PUS1: variants seen among roughly 807,000 people sequenced by gnomAD.
PUS1 encodes the protein pseudouridine synthase 1.
PUS1 carries 25 observed loss-of-function variants against 38.5 expected under a neutral mutation model. That is an observed-to-expected ratio of 0.65 (90% CI 0.47 to 0.91). The LOEUF is 0.91. Ranked by LOEUF, PUS1 falls within the 40% of genes least tolerant of loss-of-function variation. PUS1 has a pLI of 0.00. For synonymous variants in PUS1, 282 were observed against 260.4 expected, an observed-to-expected ratio of 1.08 and a Z score of -0.80; for missense variants, 597 against 612.3, an observed-to-expected ratio of 0.97 and a Z score of 0.26.
intron 5 of PUS1, 45 bp from the exon 6 acceptor site, chr12:131,943,494 G>T: frequency 6.4e-7 from 1 of 1,555,908 alleles, no homozygotes; most frequent in South Asian, 1.1e-5. Flanking sequence ...AGGAGCAGTG[G>T]AGAGAGTGCT....
At chr12:131,936,626 C>T (rs768774921) in intron 3 of PUS1, among the ~76,000 whole-genome samples, 26 of 151,386 alleles carry the variant, frequency 1.7e-4, no homozygotes, top group Non-Finnish European at 2.4e-4. Context: ...TGGTGGCTCA[C>T]GCCTGTAATC....
In PUS1 at chr12:131,930,385, C is replaced by T. The variant is rs188034384; in HGVS notation, c.303+250C>T. Among the ~76,000 whole-genome samples the T allele has an allele frequency of 1.7e-3, 253 of 152,334 alleles. 2 individuals carry two copies. Among genetic ancestry groups the T allele is most frequent in the Middle Eastern group, 6.8e-3 (2 of 294 alleles). On this transcript the variant is annotated intron_variant, in intron 2 of 5. Transcript: ENST00000376649. Reference sequence around the variant, plus strand: ...GGGGCGGGGTTCACTTGCTGGGTGCCTGAGTCCTCATCTTTAGGATGGGAG... The same window carrying T: ...GGGGCGGGGTTCACTTGCTGGGTGCTTGAGTCCTCATCTTTAGGATGGGAG...
chr12:131,941,622 A>G lies in PUS1; in HGVS notation c.875A>G (p.His292Arg), dbSNP rs753392891. 4.3e-6 allele frequency: 7 copies of G among 1,614,108 alleles called. No individual in the cohort carries two copies. In the South Asian group the frequency reaches 6.6e-5, roughly 15 times the overall value. Residue 292 changes from histidine (H) to arginine (R), a missense_variant, in exon 5 of 6, where the codon CAT becomes CGT. By Grantham distance (29) the His-to-Arg change is conservative. Transcript: ENST00000376649. The surrounding 1 kb of genome is among the most constrained non-coding windows in gnomAD (Gnocchi z 4.4). ...GTGAAGGGCCAGAGCTTCATGATGC[A>G]TCAGATCCGGAAGATGGTCGGCCTG... ...IRVKGQSFMM[H>R]QIRKMVGLVV...
Position 131,939,021 on chromosome 12 carries a change from G to A in PUS1, c.442-152G>A, listed in dbSNP as rs560092833. On this transcript the variant is annotated intron_variant, in intron 3 of 5. Coordinates refer to ENST00000376649, the MANE Select transcript of PUS1 (RefSeq NM_025215.6). ...CTCCCAAAGTACTGGGATTACAGGC[G>A]TGAGCCACTATGCCCGGCCCTCCAG... 1.3e-4 allele frequency: 87 copies of A among 686,630 alleles called. No homozygotes were observed. In the East Asian group the frequency reaches 1.6e-3, roughly 13 times the overall value. 42.5% of individuals were successfully genotyped at this position (686,630 alleles called of 1,614,324 possible).
At chr12:131,932,394 T>TA in intron 3 of PUS1, 82 bp downstream of exon 3, 11 of 1,496,636 alleles carry the variant, frequency 7.3e-6, no homozygotes, top group Non-Finnish European at 1.0e-5. Flanking sequence ...TCTGGCTTGT[T>TA]ATGCTGTTTC....
chr12:131,941,244 C>T lies in PUS1; in HGVS notation c.545-48C>T, dbSNP rs578033097. 37 of 1,528,260 alleles carry T rather than the reference C, an allele frequency of 2.4e-5. No homozygotes were observed. In the African/African-American group the frequency reaches 4.5e-4, roughly 19 times the overall value. 94.7% of individuals were successfully genotyped at this position (1,528,260 alleles called of 1,614,324 possible). On this transcript the variant is annotated intron_variant, in intron 4 of 5. Transcript: ENST00000376649. This position sits in a 1 kb window ranked among gnomAD's most constrained non-coding sequence, Gnocchi z 4.4. ...GTGCTCAGGCTGCTCCCTGGTCATC[C>T]AGGCACTTCTCACCTGCCTTTCTCC...
Position 131,929,568 on chromosome 12 carries a change from G to A in PUS1, c.-155G>A. ...AGAGGTCAGGGGTCAGCTGGAGAGG[G>A]GCTGGGGCGCCGGTTTCCCGGAGGT... On this transcript the variant is annotated 5_prime_UTR_variant, in exon 1 of 6. Coordinates refer to ENST00000376649, the MANE Select transcript of PUS1 (RefSeq NM_025215.6). The A allele has an allele frequency of 1.6e-6, 1 of 613,474 alleles. No homozygotes were observed. The highest frequency in any genetic ancestry group is 2.2e-5 in the South Asian group (1 of 44,800). 38.0% of individuals were successfully genotyped at this position (613,474 alleles called of 1,614,324 possible).
At chr12:131,942,914 G>T (rs1474751194) in intron 5 of PUS1, among the ~76,000 whole-genome samples, 1 of 152,246 alleles carries the variant, frequency 6.6e-6, no homozygotes, top group East Asian at 1.9e-4. Context: ...CCTATAGATG[G>T]GGCGATGAGA....
In PUS1 at chr12:131,941,597, G is replaced by GCTTCA; in HGVS notation, c.850_851insCTTCA (p.Val284AlafsTer3). On this transcript the variant is annotated frameshift_variant, in exon 5 of 6. Coordinates refer to ENST00000376649, the MANE Select transcript of PUS1 (RefSeq NM_025215.6). LOFTEE classifies it high-confidence loss of function. The surrounding 1 kb of genome is among the most constrained non-coding windows in gnomAD (Gnocchi z 4.4). ...GGGCCTGGAGTTTGCGGTGATCAGGGTGAAGGGCCAGAGCTTCATGATGCA... is the reference window on the plus strand; with the variant it reads ...GGGCCTGGAGTTTGCGGTGATCAGGGCTTCATGAAGGGCCAGAGCTTCATGATGCA... 2 of 1,614,234 alleles carry GCTTCA rather than the reference G, an allele frequency of 1.2e-6. No individual in the cohort carries two copies. The highest frequency in any genetic ancestry group is 2.7e-5 in the African/African-American group (2 of 75,060).
Position 131,941,795 on chromosome 12 carries a change from G to A in PUS1, c.1048G>A (p.Asp350Asn), listed in dbSNP as rs374773639. Residue 350 changes from aspartate to asparagine, a missense_variant, in exon 5 of 6, where the codon GAT (aspartate) becomes AAT (asparagine). By Grantham distance (23) the Asp-to-Asn change is conservative. Transcript: ENST00000376649. This position sits in a 1 kb window ranked among gnomAD's most constrained non-coding sequence, Gnocchi z 4.4. ...GAAGTACAACCAGCGCTTTGGCAAC[G>A]ATGGGCTGCATGAGCCGCTGGACTG... is the stretch of plus-strand genomic sequence containing the variant. ...FEKYNQRFGNDGLHEPLDWAQ... is the reference protein window; with the variant it reads ...FEKYNQRFGNNGLHEPLDWAQ... 6.8e-6 allele frequency: 11 copies of A among 1,613,262 alleles called. No individual in the cohort carries two copies. The highest frequency in any genetic ancestry group is 1.3e-5 in the African/African-American group (1 of 74,932).
intron 4 of PUS1, among the ~76,000 whole-genome samples, chr12:131,940,609 G>T (rs542296342): frequency 6.6e-6 from 1 of 152,156 alleles, no homozygotes; most frequent in South Asian, 2.1e-4. Flanking sequence ...ATGGAGTCTT[G>T]TTCTGTTGCC....
intron 4 of PUS1, among the ~76,000 whole-genome samples, chr12:131,939,767 C>G (rs1190334707): frequency 6.6e-6 from 1 of 152,022 alleles, no homozygotes; most frequent in Non-Finnish European, 1.5e-5. Context: ...CAGTCCTCAG[C>G]CTCCTGAGTA....
At chr12:131,934,581 C>T (rs1385327317) in intron 3 of PUS1, 2 of 152,146 alleles carry the variant, frequency 1.3e-5, no homozygotes, top group East Asian at 3.8e-4. Context: ...ATAATTATAT[C>T]TATATCCTAT....
rs1890532082 is a variant in PUS1 at position 131,930,124 on chromosome 12, C to T, written c.292C>T (p.His98Tyr). 2 of 1,425,454 alleles carry T rather than the reference C, an allele frequency of 1.4e-6. No individual in the cohort carries two copies. Among genetic ancestry groups the T allele is most frequent in the Non-Finnish European group, 9.2e-7 (1 of 1,090,120 alleles). 88.3% of individuals were successfully genotyped at this position (1,425,454 alleles called of 1,614,324 possible). A position where few individuals can be genotyped will look rare whatever the true frequency, so the allele number is the denominator to read the frequency against. ...LLMAYSGKGY[H>Y]GMQRNVGSSQ... ...CATGGCCTATTCGGGCAAGGGCTAC[C>T]ACGGCATGCAGGTGTGGCCGCCCGG... Residue 98 changes from histidine to tyrosine, a missense_variant, in exon 2 of 6, where the codon CAC becomes TAC. Physicochemically the swap from His to Tyr is moderately conservative, Grantham distance 83 (BLOSUM62 2). Transcript: ENST00000376649.
chr12:131,939,303 C>T (rs1311281091), intron 4 of PUS1, 28 bp downstream of exon 4: 1 of 1,399,676 alleles, frequency 7.1e-7, no homozygotes, highest in Admixed American at 2.0e-5. Flanking sequence ...GGCGGCCACA[C>T]ACCTGGTTGT....
rs770364021 is a variant in PUS1 at position 131,941,308 on chromosome 12, G to T, written c.561G>T (p.Thr187=). Residue 187 remains threonine, a synonymous_variant, in exon 5 of 6, where the codon ACG becomes ACT. Transcript: ENST00000376649. The surrounding 1 kb of genome is among the most constrained non-coding windows in gnomAD (Gnocchi z 4.4). ...HIRILGLKRV[T]GGFNSKNRCD... is the part of the protein sequence containing the mutation. Reference sequence around the variant, plus strand: ...CCCCCCTAGGACTGAAGCGGGTCACGGGCGGGTTTAACTCCAAGAACAGAT... The same window carrying T: ...CCCCCCTAGGACTGAAGCGGGTCACTGGCGGGTTTAACTCCAAGAACAGAT... The T allele has an allele frequency of 6.2e-7, 1 of 1,614,134 alleles. No individual in the cohort carries two copies. The highest frequency in any genetic ancestry group is 2.2e-5 in the East Asian group (1 of 44,872).
In PUS1 at chr12:131,943,724, C is replaced by T. The variant is rs1891187024; in HGVS notation, c.*138C>T. 5 of 734,418 alleles carry T rather than the reference C, an allele frequency of 6.8e-6. No homozygotes were observed. 45.5% of individuals were successfully genotyped at this position (734,418 alleles called of 1,614,324 possible). On this transcript the variant is annotated 3_prime_UTR_variant, in exon 6 of 6. Coordinates refer to ENST00000376649, the MANE Select transcript of PUS1 (RefSeq NM_025215.6). ...CCATGCCGGCGTTGTAACCTCAGGA[C>T]CTTCCCTTGTAGGAACAGCCTTTCT...
Position 131,941,651 on chromosome 12 carries a change from G to A in PUS1, c.904G>A (p.Val302Met), listed in dbSNP as rs148057665. 82 of 1,614,202 alleles carry A rather than the reference G, an allele frequency of 5.1e-5. No homozygotes were observed. The East Asian group carries it at 1.8e-3, about 35-fold the overall frequency. ...HQIRKMVGLV[V>M]AIVKGYAPES... ...GATCCGGAAGATGGTCGGCCTGGTG[G>A]TGGCCATTGTGAAGGGTTATGCCCC... Residue 302 changes from valine to methionine, a missense_variant, in exon 5 of 6, where the codon GTG becomes ATG. By Grantham distance (21) the Val-to-Met change is conservative. Coordinates refer to ENST00000376649, the MANE Select transcript of PUS1 (RefSeq NM_025215.6). The surrounding 1 kb of genome is among the most constrained non-coding windows in gnomAD (Gnocchi z 4.4).
In PUS1 at chr12:131,932,187, T is replaced by C; in HGVS notation, c.316T>C (p.Ser106Pro). ...CTCCTTTTTCCAGAGGAATGTCGGG[T>C]CCTCACAATTCAAAACAATTGAAGA... Reference protein sequence around the residue: ...GYHGMQRNVGSSQFKTIEDDL... With the variant: ...GYHGMQRNVGPSQFKTIEDDL... Residue 106 changes from serine to proline, a missense_variant, in exon 3 of 6, where the codon TCC becomes CCC. Physicochemically the swap from Ser to Pro is moderately conservative, Grantham distance 74. Transcript: ENST00000376649. 1 of 1,613,934 alleles carries C rather than the reference T, an allele frequency of 6.2e-7. No individual in the cohort carries two copies. The highest frequency in any genetic ancestry group is 8.5e-7 in the Non-Finnish European group (1 of 1,179,930).
Sources: gnomAD v4.1 joint callset for allele counts (sites outside exome capture counted in the v4.1 genomes callset) on GRCh38, gnomAD v4.1.1 for gene constraint, Gnocchi (gnomAD v3.1) non-coding constraint, MANE v1.5 for transcripts, NCBI Gene and HGNC (gene_info 2026-07-23, HGNC 2026-07-21) for gene names.